Variants in RSRP1 observed in about 807,000 individuals in gnomAD.
RSRP1 encodes the protein arginine and serine rich protein 1.
RSRP1 carries 37 observed loss-of-function variants against 33.0 expected under a neutral mutation model. That is an observed-to-expected ratio of 1.12 (90% CI 0.86 to 1.48). The LOEUF (loss-of-function observed/expected upper bound fraction) is 1.48. Ranked by LOEUF, RSRP1 falls within the 40% of genes most tolerant of loss-of-function variation. RSRP1 has a pLI of 0.00. For missense variants in RSRP1, 402 were observed against 385.3 expected (o/e 1.04, Z -0.36); for synonymous variants, 167 against 158.7 (o/e 1.05, Z -0.40).
At position 25,280,310 on chromosome 1, in the gene RSRP1, T is replaced by C. The variant is rs1451323134; in HGVS notation, c.-66-33281A>G. ...AGGATCCTCTGACTTCCTCATCTCTTTTTTTTTTTTTTTGAGCTGCAGTCT... is the reference window on the plus strand; with the variant it reads ...AGGATCCTCTGACTTCCTCATCTCTCTTTTTTTTTTTTTGAGCTGCAGTCT... On this transcript the variant is annotated intron_variant, in intron 1 of 1. Transcript: ENST00000561867. Among the ~76,000 whole-genome samples, 5 of 114,996 alleles carry C rather than the reference T, an allele frequency of 4.3e-5. 1 individual carries two copies. The highest frequency in any genetic ancestry group is 2.0e-4 in the East Asian group (1 of 4,970). 75.4% of individuals were successfully genotyped at this position (114,996 alleles called of 152,430 possible). A position where few individuals can be genotyped will look rare whatever the true frequency, so the allele number is the denominator to read the frequency against.
intron 1 of RSRP1, among the ~76,000 whole-genome samples, chr1:25,261,365 C>G (rs1640139886): frequency 6.6e-6 from 1 of 151,862 alleles, no homozygotes; most frequent in African/African-American, 2.4e-5. Context: ...TCCAGATTTA[C>G]TATCACAAAG....
In RSRP1 at chr1:25,321,648, C is replaced by T. The variant is rs1266220970; in HGVS notation, c.-67+16330G>A. On this transcript the variant is annotated intron_variant, in intron 1 of 1. Transcript: ENST00000561867. The stretch of plus-strand genomic sequence containing the variant: ...TCACGCCATTGTACTCCAGCCTGGG[C>T]GATAGAGTGAGACTCTGTCTCAAAA... Among the ~76,000 whole-genome samples the T allele has an allele frequency of 2.4e-4, 22 of 93,402 alleles. 3 individuals are homozygous for T. The highest frequency in any genetic ancestry group is 3.9e-4 in the African/African-American group (13 of 33,752). 61.3% of individuals were successfully genotyped at this position (93,402 alleles called of 152,430 possible).
rs368617713 is a variant in RSRP1, at chr1:25,282,627, T to C, written c.-66-35598A>G. Among the ~76,000 whole-genome samples the C allele has an allele frequency of 1.5e-5, 2 of 132,490 alleles. 1 individual carries two copies. Among genetic ancestry groups the C allele is most frequent in the Admixed American group, 1.5e-4 (2 of 13,576 alleles). 86.9% of individuals were successfully genotyped at this position (132,490 alleles called of 152,430 possible). A position where few individuals can be genotyped will look rare whatever the true frequency, so the allele number is the denominator to read the frequency against. Reference sequence around the variant, plus strand: ...ACCTATGCTTCCCCTTCCACCTTTTTGAAAAACATTGTCTAGGCTGGGCAC... The same window carrying C: ...ACCTATGCTTCCCCTTCCACCTTTTCGAAAAACATTGTCTAGGCTGGGCAC... On this transcript the variant is annotated intron_variant, in intron 1 of 1. Transcript: ENST00000561867.
chr1:25,297,042 C>G lies in RSRP1; in HGVS notation c.-67+40936G>C, dbSNP rs1362128023. On this transcript the variant is annotated intron_variant, in intron 1 of 1. Transcript: ENST00000561867. ...CTTATTCTCATTTCACCAATTTTCT[C>G]AATAATATCTTTTCTAGAAAAAAAT... 1.5e-5 allele frequency among the ~76,000 whole-genome samples: 2 copies of G among 131,098 alleles called. 1 individual carries two copies. The highest frequency in any genetic ancestry group is 3.6e-5 in the Non-Finnish European group (2 of 55,798). 86.0% of individuals were successfully genotyped at this position (131,098 alleles called of 152,430 possible). A position where few individuals can be genotyped will look rare whatever the true frequency, so the allele number is the denominator to read the frequency against.
rs1179115126 is a variant in RSRP1 at position 25,306,334 on chromosome 1, G to A, written c.-67+31644C>T. Among the ~76,000 whole-genome samples the A allele has an allele frequency of 9.8e-5, 13 of 131,998 alleles. No homozygotes were observed. In the East Asian group the frequency reaches 2.0e-3, roughly 20 times the overall value. 86.6% of individuals were successfully genotyped at this position (131,998 alleles called of 152,430 possible). On this transcript the variant is annotated intron_variant, in intron 1 of 1. Coordinates refer to the RSRP1 transcript ENST00000561867. ...ACCCTTGCTACTCATAGTGTGGTCC[G>A]TAGACCAGCAGCATTGGCATCACCT...
At position 25,274,744 on chromosome 1, in the gene RSRP1, C is replaced by T. The variant is rs1215341022; in HGVS notation, c.-66-27715G>A. Among the ~76,000 whole-genome samples, 21 of 133,978 alleles carry T rather than the reference C, an allele frequency of 1.6e-4. 2 individuals are homozygous for T. The highest frequency in any genetic ancestry group is 2.5e-4 in the Non-Finnish European group (14 of 56,320). 87.9% of individuals were successfully genotyped at this position (133,978 alleles called of 152,430 possible). A position where few individuals can be genotyped will look rare whatever the true frequency, so the allele number is the denominator to read the frequency against. On this transcript the variant is annotated intron_variant, in intron 1 of 1. Transcript: ENST00000561867. ...ACAAAGGGCCGGGCGACGTGGCTCA[C>T]GCCTGTAATCCCGGCACATTGGGAG...
rs1195379777 is a variant in RSRP1 at position 25,309,293 on chromosome 1, T to G, written c.-67+28685A>C. 3.8e-5 allele frequency among the ~76,000 whole-genome samples: 5 copies of G among 131,544 alleles called. 1 individual carries two copies. Among genetic ancestry groups the G allele is most frequent in the African/African-American group, 1.3e-4 (5 of 37,962 alleles). 86.3% of individuals were successfully genotyped at this position (131,544 alleles called of 152,430 possible). A position where few individuals can be genotyped will look rare whatever the true frequency, so the allele number is the denominator to read the frequency against. On this transcript the variant is annotated intron_variant, in intron 1 of 1. Coordinates refer to the RSRP1 transcript ENST00000561867. ...CTGAATCATGCAGTTGCAGATACTC[T>G]TTTTCAATTCTCAGTCCTTTGATTA... is the stretch of plus-strand genomic sequence containing the variant.
chr1:25,261,832 C>T (rs1421713929), intron 1 of RSRP1, among the ~76,000 whole-genome samples: 9 of 151,202 alleles, frequency 6.0e-5, no homozygotes. Context: ...CCACCTCTGC[C>T]TCCCGTGTAG....
At position 25,246,452 on chromosome 1, in the gene RSRP1, C is replaced by T; in HGVS notation, c.512G>A (p.Ser171Asn). The change falls in exon 2 of 5, where the codon AGT (serine) becomes AAT (asparagine). Residue 171 changes from serine (S) to asparagine (N), a missense_variant. Coordinates refer to ENST00000243189, the MANE Select transcript of RSRP1 (RefSeq NM_020317.5). The stretch of plus-strand genomic sequence containing the variant: ...GTAAATGACCCACCCACCTTTTTCA[C>T]TTAAGCGAAAGGGGGTTCTGCTCCG... The part of the protein sequence containing the change: ...RSRSRTPFRL[S>N]EKDRMELLEI... 1 of 1,612,518 alleles carries T rather than the reference C, an allele frequency of 6.2e-7. No homozygotes were observed. Among genetic ancestry groups the T allele is most frequent in the South Asian group, 1.1e-5 (1 of 91,080 alleles).
Position 25,284,633 on chromosome 1 carries a change from G to A in RSRP1, c.-66-37604C>T, listed in dbSNP as rs142925159. On this transcript the variant is annotated intron_variant, in intron 1 of 1. Transcript: ENST00000561867. ...TTGGGCTTCCTCACCTCGAGTTTCC[G>A]GAGACACAGCTGGAGCAGTGTGGCC... The A allele has an allele frequency of 3.3e-4, 459 of 1,388,904 alleles. No individual in the cohort carries two copies. The highest frequency in any genetic ancestry group is 4.3e-4 in the Non-Finnish European group (421 of 985,474). 86.0% of individuals were successfully genotyped at this position (1,388,904 alleles called of 1,614,324 possible). A position where few individuals can be genotyped will look rare whatever the true frequency, so the allele number is the denominator to read the frequency against.
At position 25,330,824 on chromosome 1, in the gene RSRP1, G is replaced by T. The variant is rs965083845; in HGVS notation, c.-67+7154C>A. Among the ~76,000 whole-genome samples the T allele has an allele frequency of 4.6e-5, 6 of 130,552 alleles. 2 individuals carry two copies. Among genetic ancestry groups the T allele is most frequent in the Admixed American group, 2.2e-4 (3 of 13,354 alleles). 85.6% of individuals were successfully genotyped at this position (130,552 alleles called of 152,430 possible). On this transcript the variant is annotated intron_variant, in intron 1 of 1. Coordinates refer to the RSRP1 transcript ENST00000561867. ...AATTTATTTCCTTATAGTTCTGGAG[G>T]CTGGAAGTTCAAGGTGCCGGCAAGG...
At chr1:25,282,294 G>T (rs1171851659) in intron 1 of RSRP1, among the ~76,000 whole-genome samples, 2 of 131,502 alleles carry the variant, frequency 1.5e-5, no homozygotes, top group African/African-American at 5.2e-5. Context: ...GAGTGCAGTG[G>T]TGCGGTCTCA....
chr1:25,272,579 G>A lies in RSRP1; in HGVS notation c.-66-25550C>T, dbSNP rs1640573490. 6 of 1,583,378 alleles carry A rather than the reference G, an allele frequency of 3.8e-6. No homozygotes were observed. The highest frequency in any genetic ancestry group is 1.4e-5 in the African/African-American group (1 of 72,850). ...TCTAAGTACCCGCGGTCTGTCCGGCGCTGCCTGCCCCTCTGGGCCCTAACA... is the reference window on the plus strand; with the variant it reads ...TCTAAGTACCCGCGGTCTGTCCGGCACTGCCTGCCCCTCTGGGCCCTAACA... On this transcript the variant is annotated intron_variant, in intron 1 of 1. Transcript: ENST00000561867.
At position 25,245,299 on chromosome 1, in the gene RSRP1, G is replaced by C. The variant is rs772560706; in HGVS notation, c.523C>G (p.Arg175Gly). Reference sequence around the variant, plus strand: ...TTTGCTATTTCTAACAGCTCCATTCGATCTAAAAAAAAAAGAGAGAGATTT... The same window carrying C: ...TTTGCTATTTCTAACAGCTCCATTCCATCTAAAAAAAAAAGAGAGAGATTT... ...RTPFRLSEKD[R>G]MELLEIAKTN... The change falls in exon 3 of 5, where the codon CGA becomes GGA. Residue 175 changes from arginine to glycine, a missense_variant and splice_region_variant. Transcript: ENST00000243189. 1 of 1,595,746 alleles carries C rather than the reference G, an allele frequency of 6.3e-7. No homozygotes were observed.
intron 1 of RSRP1, among the ~76,000 whole-genome samples, chr1:25,263,582 C>T (rs28444728): frequency 0.021 from 3,176 of 151,966 alleles, 53 homozygotes; most frequent in Non-Finnish European, 0.032. Flanking sequence ...TCAGTTACCT[C>T]CCACTGGGTC....
rs996939408 is a variant in RSRP1, at chr1:25,293,728, T to C, written c.-67+44250A>G. 4.5e-5 allele frequency among the ~76,000 whole-genome samples: 6 copies of C among 131,988 alleles called. 2 individuals are homozygous for C. The highest frequency in any genetic ancestry group is 1.5e-4 in the Admixed American group (2 of 13,552). 86.6% of individuals were successfully genotyped at this position (131,988 alleles called of 152,430 possible). A position where few individuals can be genotyped will look rare whatever the true frequency, so the allele number is the denominator to read the frequency against. On this transcript the variant is annotated intron_variant, in intron 1 of 1. Coordinates refer to the RSRP1 transcript ENST00000561867. ...GACTAGAGAGGGAAGTTTTTGAAAA[T>C]TAAACACTGTCTAATTTTCTGCAAA... is the stretch of plus-strand genomic sequence containing the variant.
chr1:25,288,306 A>T (rs1377038575), intron 1 of RSRP1, among the ~76,000 whole-genome samples: 1 of 128,820 alleles, frequency 7.8e-6, no homozygotes, highest in East Asian at 2.0e-4. Flanking sequence ...CCTCCTGAGT[A>T]GCTGAGACCA....
At position 25,284,214 on chromosome 1, in the gene RSRP1, C is replaced by G. The variant is rs1225604744; in HGVS notation, c.-66-37185G>C. ...CATATGCAATAACAGCAGCAATGAC[C>G]TTTACTGAGTGTCCATGTGCGTCAA... On this transcript the variant is annotated intron_variant, in intron 1 of 1. Transcript: ENST00000561867. Among the ~76,000 whole-genome samples, 4 of 136,316 alleles carry G rather than the reference C, an allele frequency of 2.9e-5. 1 individual carries two copies. The highest frequency in any genetic ancestry group is 1.0e-4 in the African/African-American group (4 of 39,910). The allele number at this position is 136,316 out of a possible 152,430, so 89.4% of individuals were successfully genotyped here.
intron 1 of RSRP1, among the ~76,000 whole-genome samples, chr1:25,263,639 C>T (rs1239206533): frequency 5.9e-5 from 9 of 151,652 alleles, no homozygotes; most frequent in Non-Finnish European, 1.3e-4. Flanking sequence ...GGTGGGGACA[C>T]AACCAAACCC....
Sources: allele counts gnomAD v4.1 joint callset (sites outside exome capture counted in the v4.1 genomes callset), GRCh38; gene constraint gnomAD v4.1.1; transcripts MANE v1.5; gene names NCBI Gene and HGNC (gene_info 2026-07-23, HGNC 2026-07-21).